Variants in CCDC144A observed in about 807,000 individuals in gnomAD.
The protein encoded by CCDC144A is coiled-coil domain-containing protein 144A.
CCDC144A carries 41 observed loss-of-function variants against 143.8 expected under a neutral mutation model. The ratio of observed to expected loss-of-function variants is 0.29; its 90% confidence interval spans 0.22 to 0.37. The LOEUF (loss-of-function observed/expected upper bound fraction) is 0.37. Ranked by LOEUF, CCDC144A falls within the 10% of genes least tolerant of loss-of-function variation. The pLI, the probability that CCDC144A is intolerant of heterozygous loss-of-function variation, is 1.00. For synonymous variants in CCDC144A, 242 were observed against 517.9 expected, an observed-to-expected ratio of 0.47 and a Z score of 7.23; for missense variants, 637 against 1,488.8, an observed-to-expected ratio of 0.43 and a Z score of 9.41.
chr17:16,709,965 CT>C (rs765347986), intron 5 of CCDC144A: 79 of 272,900 alleles, frequency 2.9e-4, no homozygotes, highest in Non-Finnish European at 2.1e-4. Flanking sequence ...GGGCTTTTTC[CT>C]TTTACCGACT....
At position 16,761,604 on chromosome 17, in the gene CCDC144A, T is replaced by C; in HGVS notation, c.3552T>C (p.Tyr1184=). 1.2e-6 allele frequency: 2 copies of C among 1,613,658 alleles called. No individual in the cohort carries two copies. The highest frequency in any genetic ancestry group is 1.3e-5 in the African/African-American group (1 of 75,048). ...LKQEVVNLKS[Y]MERNMLERGK... ...AAGAAGTAGTAAACCTCAAAAGTTATATGGAAAGAAATATGTTAGAACGTG... is the reference window on the plus strand; with the variant it reads ...AAGAAGTAGTAAACCTCAAAAGTTACATGGAAAGAAATATGTTAGAACGTG... The change falls in exon 13 of 17, where the codon TAT becomes TAC. Residue 1184 remains tyrosine, a synonymous_variant. Transcript: ENST00000399273.
intron 5 of CCDC144A, among the ~76,000 whole-genome samples, chr17:16,711,438 C>T (rs1213050033): frequency 6.6e-6 from 1 of 151,832 alleles, no homozygotes; most frequent in African/African-American, 2.4e-5. Context: ...AATTCTGTCT[C>T]ATTCATTGAA....
chr17:16,759,536 G>C (rs1283612836), intron 12 of CCDC144A, among the ~76,000 whole-genome samples: 1 of 151,616 alleles, frequency 6.6e-6, no homozygotes, highest in African/African-American at 2.4e-5. Context: ...TCTTGCATTG[G>C]TTTTACTTTC....
Position 16,690,287 on chromosome 17 carries a change from C to T in CCDC144A, c.-114C>T, listed in dbSNP as rs1293785932. ...GCTTGGCGGTGGTCGCTTGGCTTGG[C>T]GTGGCAGTGATCGCTTGGCTTGGCA... is the stretch of plus-strand genomic sequence containing the variant. On this transcript the variant is annotated 5_prime_UTR_variant, in exon 1 of 17. Coordinates refer to ENST00000399273, the MANE Select transcript of CCDC144A (RefSeq NM_001382000.1). The T allele has an allele frequency of 6.6e-6, 5 of 758,156 alleles. No individual in the cohort carries two copies. The highest frequency in any genetic ancestry group is 1.0e-5 in the Non-Finnish European group (5 of 480,874). The allele number at this position is 758,156 out of a possible 1,614,324, so 47.0% of individuals were successfully genotyped here.
chr17:16,758,679 A>G (rs1196772586), intron 12 of CCDC144A, among the ~76,000 whole-genome samples: 5 of 152,206 alleles, frequency 3.3e-5, no homozygotes, highest in Non-Finnish European at 7.3e-5. Context: ...TCTTTGTTGT[A>G]TCCTTTTCAT....
chr17:16,669,221 T>C, the CCDC144A span, among the ~76,000 whole-genome samples: 8 of 152,252 alleles, frequency 5.3e-5, no homozygotes, highest in African/African-American at 1.9e-4. Flanking sequence ...GCATAATATA[T>C]GTAATGCTAT....
chr17:16,675,857 C>T, the CCDC144A span, among the ~76,000 whole-genome samples: 1 of 151,976 alleles, frequency 6.6e-6, no homozygotes, highest in African/African-American at 2.4e-5. Context: ...ATTCTCCTGC[C>T]TCAGCCTCCC....
At chr17:16,749,830 A>G (rs1350724483) in intron 12 of CCDC144A, among the ~76,000 whole-genome samples, 3 of 152,206 alleles carry the variant, frequency 2.0e-5, no homozygotes, top group Non-Finnish European at 4.4e-5. Flanking sequence ...TGAATCCTTT[A>G]TCATTGTGTA....
intron 12 of CCDC144A, chr17:16,746,087 G>A (rs1451699128): frequency 3.1e-6 from 5 of 1,604,702 alleles, no homozygotes; most frequent in Non-Finnish European, 4.3e-6. Flanking sequence ...AGCCTTCCAC[G>A]GGCCTGGCTT....
chr17:16,692,191 T>C (rs1443358413), intron 1 of CCDC144A, among the ~76,000 whole-genome samples: 6 of 151,918 alleles, frequency 3.9e-5, no homozygotes, highest in Admixed American at 6.6e-5. Flanking sequence ...ACATGGGGAT[T>C]GAGCATCCTT....
rs1262977348 is a variant in CCDC144A, at chr17:16,777,555, AG to A, written c.*3924del. On this transcript the variant is annotated 3_prime_UTR_variant, in exon 17 of 17. Coordinates refer to ENST00000399273, the MANE Select transcript of CCDC144A (RefSeq NM_001382000.1). ...AATAAAATTGGAAATTAATTCCAAA[AG>A]GAACACTCAAAAGCATGCAAATACA... is the stretch of plus-strand genomic sequence containing the variant. The A allele has an allele frequency of 7.3e-6, 1 of 136,300 alleles. No individual in the cohort carries two copies. The highest frequency in any genetic ancestry group is 1.5e-5 in the Non-Finnish European group (1 of 65,676). 8.4% of individuals were successfully genotyped at this position (136,300 alleles called of 1,614,324 possible).
intron 2 of CCDC144A, among the ~76,000 whole-genome samples, chr17:16,696,051 G>A (rs1911380908): frequency 2.6e-5 from 4 of 152,220 alleles, no homozygotes; most frequent in Admixed American, 6.5e-5. Flanking sequence ...GTCTCACTCC[G>A]TCACCCAGGC....
intron 12 of CCDC144A, among the ~76,000 whole-genome samples, chr17:16,758,512 G>T (rs1465184340): frequency 3.8e-4 from 58 of 152,268 alleles, no homozygotes; most frequent in Admixed American, 2.0e-3. Flanking sequence ...CTCCTAAACT[G>T]CCAGAGACCC....
At chr17:16,746,790 G>A (rs1225225358) in intron 12 of CCDC144A, 1 of 1,528,592 alleles carries the variant, frequency 6.5e-7, no homozygotes, top group Non-Finnish European at 9.0e-7. Context: ...GTTCCCACCG[G>A]GGCGGAGCGT....
intron 15 of CCDC144A, among the ~76,000 whole-genome samples, chr17:16,770,316 A>C (rs1393038912): frequency 6.6e-6 from 1 of 151,912 alleles, no homozygotes; most frequent in African/African-American, 2.4e-5. Context: ...TGCCCGGCTA[A>C]TTTTGTGTAT....
Position 16,709,210 on chromosome 17 carries a change from G to A in CCDC144A, c.1153G>A (p.Glu385Lys), listed in dbSNP as rs1452426484. Residue 385 changes from glutamate (E) to lysine (K), a missense_variant, in exon 5 of 17, where the codon GAA becomes AAA. By Grantham distance (56) the Glu-to-Lys change is moderately conservative (BLOSUM62 1). Coordinates refer to ENST00000399273, the MANE Select transcript of CCDC144A (RefSeq NM_001382000.1). ...PYYHPYSGSQ[E>K]HVCQSSSKFH... ...CTATCATCCATACTCTGGGTCCCAG[G>A]AACATGTTTGCCAGTCATCTTCTAA... 4 of 1,611,474 alleles carry A rather than the reference G, an allele frequency of 2.5e-6. No homozygotes were observed. The highest frequency in any genetic ancestry group is 3.4e-6 in the Non-Finnish European group (4 of 1,179,638).
intron 12 of CCDC144A, chr17:16,745,889 T>G: frequency 6.3e-7 from 1 of 1,595,606 alleles, no homozygotes; most frequent in Non-Finnish European, 8.5e-7. Flanking sequence ...CTTGGCCAGG[T>G]CCTTTCCCCC....
At chr17:16,667,686 T>A in the CCDC144A span, among the ~76,000 whole-genome samples, 1 of 152,068 alleles carries the variant, frequency 6.6e-6, no homozygotes, top group Admixed American at 6.6e-5. Flanking sequence ...TTATTTAGGA[T>A]ATTTTACTGA....
chr17:16,722,455 C>A (rs1913147453), intron 8 of CCDC144A, among the ~76,000 whole-genome samples: 1 of 151,998 alleles, frequency 6.6e-6, no homozygotes, highest in African/African-American at 2.4e-5. Flanking sequence ...ATAGCCTCCA[C>A]AATTATCAAT....
Sources: allele counts gnomAD v4.1 joint callset (sites outside exome capture counted in the v4.1 genomes callset), GRCh38; gene constraint gnomAD v4.1.1; transcripts MANE v1.5; gene names NCBI Gene and HGNC (gene_info 2026-07-23, HGNC 2026-07-21).